The following CACNA2D1 variants were observed in gnomAD, a reference collection of about 807,000 sequenced individuals.
CACNA2D1 encodes the protein voltage-dependent calcium channel subunit alpha-2/delta-1.
Under a neutral mutation model 171.5 loss-of-function variants are expected in CACNA2D1, and 53 were observed. The observed-to-expected ratio is 0.31, with a 90% CI of 0.25 to 0.39. The LOEUF (loss-of-function observed/expected upper bound fraction) is 0.39, where lower values mean the gene tolerates loss of function less well. CACNA2D1 is among the 10% of genes least tolerant of loss of function. The pLI, the probability that CACNA2D1 is intolerant of heterozygous loss-of-function variation, is 1.00. For missense variants in CACNA2D1, 903 were observed against 1,299.8 expected (o/e 0.69, Z 4.69); for synonymous variants, 442 against 443.1 (o/e 1.00, Z 0.03).
chr7:82,148,049 T>G (rs1345707919), intron 4 of CACNA2D1, among the ~76,000 whole-genome samples: 2 of 152,158 alleles, frequency 1.3e-5, no homozygotes, highest in Non-Finnish European at 2.9e-5. Context: ...GTATACAAAC[T>G]TATAAGGTTT....
intron 5 of CACNA2D1, among the ~76,000 whole-genome samples, chr7:82,117,933 A>C (rs975735104): frequency 6.6e-6 from 1 of 152,194 alleles, no homozygotes; most frequent in Non-Finnish European, 1.5e-5. Flanking sequence ...TGATTCTTTG[A>C]CAAATAATGG....
At chr7:81,971,263 G>A (rs1296872966) in intron 26 of CACNA2D1, among the ~76,000 whole-genome samples, 1 of 151,506 alleles carries the variant, frequency 6.6e-6, no homozygotes, top group African/African-American at 2.4e-5. Context: ...AGCTGCATGT[G>A]GAGGAATGGA....
At chr7:82,062,403 G>A (rs1356567832) in intron 9 of CACNA2D1, among the ~76,000 whole-genome samples, 2 of 152,058 alleles carry the variant, frequency 1.3e-5, no homozygotes, top group Admixed American at 1.3e-4. Context: ...TTGAAAATAT[G>A]AGCCATGAGG....
At chr7:82,079,577 T>C (rs531479633) in intron 7 of CACNA2D1, among the ~76,000 whole-genome samples, 160 of 151,206 alleles carry the variant, frequency 1.1e-3, no homozygotes, top group Non-Finnish European at 2.1e-3. Context: ...CTGTAATCCC[T>C]GCTACTTGGG....
intron 3 of CACNA2D1, among the ~76,000 whole-genome samples, chr7:82,246,627 C>T (rs537035047): frequency 1.1e-4 from 16 of 152,190 alleles, no homozygotes; most frequent in African/African-American, 3.4e-4. Flanking sequence ...AGAGAAGAAA[C>T]TTTCTTCTTT....
intron 5 of CACNA2D1, among the ~76,000 whole-genome samples, chr7:82,122,044 T>C (rs1014750611): frequency 6.6e-6 from 1 of 152,204 alleles, no homozygotes; most frequent in Non-Finnish European, 1.5e-5. Flanking sequence ...AAAGTCTTCA[T>C]GTATTATTCT....
At chr7:81,964,683 G>A (rs1794513060) in intron 32 of CACNA2D1, among the ~76,000 whole-genome samples, 1 of 151,810 alleles carries the variant, frequency 6.6e-6, no homozygotes, top group Non-Finnish European at 1.5e-5. Flanking sequence ...AAGTGGAAGG[G>A]TACAAAGAAG....
intron 4 of CACNA2D1, among the ~76,000 whole-genome samples, chr7:82,158,563 G>A (rs1794608779): frequency 6.6e-6 from 1 of 151,890 alleles, no homozygotes; most frequent in Non-Finnish European, 1.5e-5. Flanking sequence ...TGTAAACAAT[G>A]TGACATTACT....
At chr7:82,424,389 C>G (rs1455973718) in intron 1 of CACNA2D1, among the ~76,000 whole-genome samples, 1 of 152,148 alleles carries the variant, frequency 6.6e-6, no homozygotes, top group Non-Finnish European at 1.5e-5. Context: ...CATAGCTATT[C>G]ACCTAAATCT....
At chr7:82,224,329 T>C (rs1241116462) in intron 3 of CACNA2D1, among the ~76,000 whole-genome samples, 4 of 152,208 alleles carry the variant, frequency 2.6e-5, no homozygotes, top group East Asian at 1.9e-4. Flanking sequence ...GGCTCACGCC[T>C]GTAATGCCAG....
chr7:81,997,354 G>A, intron 18 of CACNA2D1, 104 bp from the exon 19 acceptor site: 1 of 712,994 alleles, frequency 1.4e-6, no homozygotes, highest in Non-Finnish European at 2.6e-6. Flanking sequence ...AAATTACCTA[G>A]GATACAATAA....
intron 3 of CACNA2D1, among the ~76,000 whole-genome samples, chr7:82,318,871 G>A (rs1815444281): frequency 7.1e-6 from 1 of 139,870 alleles, no homozygotes; most frequent in South Asian, 2.3e-4. Context: ...AGGGACAGAG[G>A]AAGAGGGAGA....
intron 1 of CACNA2D1, among the ~76,000 whole-genome samples, chr7:82,431,249 T>C (rs1585938332): frequency 6.6e-6 from 1 of 152,204 alleles, no homozygotes; most frequent in East Asian, 1.9e-4. Flanking sequence ...CAAATGGTTA[T>C]ATATTAGCAC....
At chr7:82,345,184 T>C (rs1374297703) in intron 2 of CACNA2D1, among the ~76,000 whole-genome samples, 2 of 152,182 alleles carry the variant, frequency 1.3e-5, no homozygotes, top group Non-Finnish European at 2.9e-5. Flanking sequence ...TCTGAATTAC[T>C]AATGAAAAGA....
At chr7:82,338,971 G>A (rs1818306090) in intron 2 of CACNA2D1, among the ~76,000 whole-genome samples, 1 of 152,146 alleles carries the variant, frequency 6.6e-6, no homozygotes, top group African/African-American at 2.4e-5. Context: ...TACAGCTGAG[G>A]GGCCCTAAGC....
chr7:81,978,753 G>GTGTGTGTATATA (rs145105210), intron 24 of CACNA2D1, among the ~76,000 whole-genome samples: 17,557 of 139,194 alleles, frequency 0.13, 1,278 homozygotes, highest in East Asian at 0.3. Flanking sequence ...TTTAAAAAGT[G>GTGTGTGTATATA]TATATATATA....
chr7:82,345,196 ATTC>A (rs958719751), intron 2 of CACNA2D1, among the ~76,000 whole-genome samples: 12 of 152,282 alleles, frequency 7.9e-5, no homozygotes, highest in African/African-American at 2.9e-4. Context: ...ATGAAAAGAA[ATTC>A]TTCACTCAGA....
chr7:81,982,637 T>G lies in CACNA2D1; in HGVS notation c.1895-10A>C, dbSNP rs750915367. ...TTCAGGGTTTCCGAATCTGCAAAGA[T>G]AATGTTACAGGATTAGATAGGTAAT... On this transcript the variant is annotated splice_polypyrimidine_tract_variant and intron_variant, in intron 23 of 38. Coordinates refer to ENST00000356860, the MANE Select transcript of CACNA2D1 (RefSeq NM_000722.4). 6.4e-7 allele frequency: 1 copy of G among 1,555,256 alleles called. No individual in the cohort carries two copies.
intron 2 of CACNA2D1, among the ~76,000 whole-genome samples, chr7:82,340,920 T>C (rs1457613623): frequency 6.6e-6 from 1 of 152,210 alleles, no homozygotes; most frequent in African/African-American, 2.4e-5. Context: ...CACTCTCTAT[T>C]GGGTAACAGG....
Sources: allele counts gnomAD v4.1 joint callset (sites outside exome capture counted in the v4.1 genomes callset), GRCh38; gene constraint gnomAD v4.1.1; transcripts MANE v1.5; gene names NCBI Gene and HGNC (gene_info 2026-07-23, HGNC 2026-07-21).